ARHGAP6: variants seen among roughly 807,000 people sequenced by gnomAD.
The protein encoded by ARHGAP6 is Rho GTPase activating protein 6.
In ARHGAP6, 16 loss-of-function variants were observed where a neutral mutation model predicts 55.7. That is an observed-to-expected ratio of 0.29 (90% CI 0.19 to 0.44). The LOEUF (loss-of-function observed/expected upper bound fraction) is 0.44, where lower values mean the gene tolerates loss of function less well. Ranked by LOEUF, ARHGAP6 falls within the 20% of genes least tolerant of loss-of-function variation. ARHGAP6 has a pLI of 1.00. For missense variants in ARHGAP6, 698 were observed against 808.9 expected (o/e 0.86, Z 1.66); for synonymous variants, 382 against 360.9 (o/e 1.06, Z -0.66).
chrX:11,196,279 AG>A (rs2046541012), intron 3 of ARHGAP6, among the ~76,000 whole-genome samples: 1 of 111,434 alleles, frequency 9.0e-6, no homozygotes, highest in African/African-American at 3.3e-5. Flanking sequence ...TTCTTAATTT[AG>A]GGGGTGGTAG....
In ARHGAP6 at chrX:11,170,384, A is replaced by C. The variant is rs779792569; in HGVS notation, c.1630-700T>G. On this transcript the variant is annotated intron_variant, in intron 8 of 12. Coordinates refer to ENST00000337414, the MANE Select transcript of ARHGAP6 (RefSeq NM_013427.3). Reference sequence around the variant, plus strand: ...ACATGCAAAGACAGAAACATCTAAAATACGTCATGGAGCCCCAGGAAGCTC... The same window carrying C: ...ACATGCAAAGACAGAAACATCTAAACTACGTCATGGAGCCCCAGGAAGCTC... Among the ~76,000 whole-genome samples, 12 of 112,238 alleles carry C rather than the reference A, an allele frequency of 1.1e-4. No individual in the cohort carries two copies. The Admixed American group carries it at 1.1e-3, about 11-fold the overall frequency.
intron 8 of ARHGAP6, among the ~76,000 whole-genome samples, chrX:11,170,455 A>C (rs1265342518): frequency 8.9e-6 from 1 of 112,105 alleles, no homozygotes; most frequent in Non-Finnish European, 1.9e-5. Flanking sequence ...GGGCCAGGTG[A>C]GATGATCTTC....
intron 12 of ARHGAP6, among the ~76,000 whole-genome samples, chrX:11,140,735 G>A (rs749451622): frequency 8.9e-6 from 1 of 111,870 alleles, no homozygotes; most frequent in East Asian, 2.8e-4. Context: ...GCCCCATTTC[G>A]GAGTTGTTAC....
chrX:11,416,229 T>C (rs761439192), intron 1 of ARHGAP6, among the ~76,000 whole-genome samples: 77 of 111,620 alleles, frequency 6.9e-4, no homozygotes, highest in South Asian at 3.5e-3. Flanking sequence ...TTTACAGATG[T>C]TTGCAATGGG....
At chrX:11,446,514 A>G (rs1230821617) in intron 1 of ARHGAP6, among the ~76,000 whole-genome samples, 1 of 111,655 alleles carries the variant, frequency 9.0e-6, no homozygotes, top group Admixed American at 9.5e-5. Flanking sequence ...TGTGACTCAC[A>G]CTGAAAAGAA....
At chrX:11,352,482 C>G (rs1178830648) in intron 1 of ARHGAP6, among the ~76,000 whole-genome samples, 2 of 111,696 alleles carry the variant, frequency 1.8e-5, no homozygotes, top group Non-Finnish European at 3.8e-5. Context: ...CCACTGAGGA[C>G]CAAATTAGGG....
chrX:11,579,415 A>C (rs964771862), intron 1 of ARHGAP6, among the ~76,000 whole-genome samples: 4 of 112,157 alleles, frequency 3.6e-5, no homozygotes, highest in African/African-American at 1.3e-4. Flanking sequence ...ACAAATGATA[A>C]CTTTATTATT....
chrX:11,587,541 A>G (rs1048613375), intron 1 of ARHGAP6, among the ~76,000 whole-genome samples: 17 of 111,944 alleles, frequency 1.5e-4, no homozygotes, highest in African/African-American at 5.5e-4. Flanking sequence ...CGAGACTGGT[A>G]TAGAAGGATG....
chrX:11,322,771 T>A (rs1262978430), intron 1 of ARHGAP6, among the ~76,000 whole-genome samples: 1 of 112,544 alleles, frequency 8.9e-6, no homozygotes, highest in Non-Finnish European at 1.9e-5. Flanking sequence ...CACAATAGAT[T>A]GACAAATCTG....
intron 1 of ARHGAP6, among the ~76,000 whole-genome samples, chrX:11,338,850 G>A (rs756221343): frequency 6.3e-4 from 71 of 112,007 alleles, no homozygotes; most frequent in African/African-American, 2.2e-3. Flanking sequence ...CATTACCTTT[G>A]CCATCTGGAC....
chrX:11,142,227 C>T lies in ARHGAP6; in HGVS notation c.2257+6G>A. 1 of 1,170,622 alleles carries T rather than the reference C, an allele frequency of 8.5e-7. No homozygotes were observed. The highest frequency in any genetic ancestry group is 1.2e-6 in the Non-Finnish European group (1 of 866,640). ...AATGCAATAAAGTTTAAAATTAATA[C>T]TTCACCTGTCATTCCTGGGTCTTTG... On this transcript the variant is annotated splice_donor_region_variant and intron_variant, in intron 12 of 12. Coordinates refer to ENST00000337414, the MANE Select transcript of ARHGAP6 (RefSeq NM_013427.3).
At chrX:11,401,462 C>T (rs1202246185) in intron 1 of ARHGAP6, among the ~76,000 whole-genome samples, 1 of 111,881 alleles carries the variant, frequency 8.9e-6, no homozygotes, top group Admixed American at 9.5e-5. Flanking sequence ...GCTGTAGGGG[C>T]TGTTCTGTGC....
chrX:11,628,984 C>T (rs866365941), intron 1 of ARHGAP6, among the ~76,000 whole-genome samples: 1 of 101,455 alleles, frequency 9.9e-6, no homozygotes, highest in Non-Finnish European at 2.0e-5. Flanking sequence ...GCTTCAGATA[C>T]GTGTGTGTGT....
rs963571793 is a variant in ARHGAP6, at chrX:11,400,878, A to T, written c.589-146171T>A. ...AACTTCTAGTCATGTAAATAGAATT[A>T]AAAACTCCTAGTGCTGTTTATCTTG... On this transcript the variant is annotated intron_variant, in intron 1 of 12. Coordinates refer to ENST00000337414, the MANE Select transcript of ARHGAP6 (RefSeq NM_013427.3). Among the ~76,000 whole-genome samples, 3 of 112,231 alleles carry T rather than the reference A, an allele frequency of 2.7e-5. No individual in the cohort carries two copies. The East Asian group carries it at 8.3e-4, about 31-fold the overall frequency.
chrX:11,349,767 C>A (rs1239309273), intron 1 of ARHGAP6, among the ~76,000 whole-genome samples: 1 of 111,559 alleles, frequency 9.0e-6, no homozygotes, highest in East Asian at 2.8e-4. Flanking sequence ...GATACAGATG[C>A]TCTTGATATA....
At chrX:11,282,204 A>C (rs2047864575) in intron 1 of ARHGAP6, among the ~76,000 whole-genome samples, 1 of 112,166 alleles carries the variant, frequency 8.9e-6, no homozygotes, top group South Asian at 3.7e-4. Flanking sequence ...AAACAGCTAC[A>C]CCCAAAGTAA....
At chrX:11,398,290 G>C (rs938707229) in intron 1 of ARHGAP6, among the ~76,000 whole-genome samples, 2 of 105,867 alleles carry the variant, frequency 1.9e-5, no homozygotes, top group African/African-American at 6.9e-5. Context: ...AAAAGAAACC[G>C]TGGGAGTATC....
Position 11,139,417 on chromosome X carries a change from C to G in ARHGAP6, c.2371G>C (p.Asp791His), listed in dbSNP as rs755935032. 1 of 1,188,962 alleles carries G rather than the reference C, an allele frequency of 8.4e-7. No homozygotes were observed. ...CTCCGAGCCCCCTGCGTGTCGCTGT[C>G]CAGCTCTGCGGGGCTCCCCTGCCAC... Reference protein sequence around the residue: ...PRWQGSPAELDSDTQGARRTQ... With the variant: ...PRWQGSPAELHSDTQGARRTQ... Residue 791 changes from aspartate (D) to histidine (H), a missense_variant, in exon 13 of 13, where the codon GAC (aspartate) becomes CAC (histidine). This residue lies in a region of ARHGAP6 where 212 missense variants were observed against 208.7 expected (regional missense o/e 1.02). Coordinates refer to ENST00000337414, the MANE Select transcript of ARHGAP6 (RefSeq NM_013427.3).
At chrX:11,373,928 T>G (rs778559647) in intron 1 of ARHGAP6, among the ~76,000 whole-genome samples, 32 of 112,347 alleles carry the variant, frequency 2.8e-4, no homozygotes, top group Admixed American at 9.4e-4. Flanking sequence ...CCTACCATTC[T>G]GATTAATATT....
Sources: allele counts gnomAD v4.1 joint callset (sites outside exome capture counted in the v4.1 genomes callset), GRCh38; gene constraint gnomAD v4.1.1; regional missense constraint gnomAD v4.1.1; transcripts MANE v1.5; gene names NCBI Gene and HGNC (gene_info 2026-07-23, HGNC 2026-07-21).